HMGB1: variants seen among roughly 807,000 people sequenced by gnomAD.
The protein encoded by HMGB1 is high mobility group box 1, also known as high mobility group protein B1.
For synonymous variants in HMGB1, 81 were observed against 84.0 expected, an observed-to-expected ratio of 0.96 and a Z score of 0.19; for missense variants, 79 against 253.5, an observed-to-expected ratio of 0.31 and a Z score of 4.67.
chr13:30,587,095 C>T (rs1180828401), intron 1 of HMGB1, among the ~76,000 whole-genome samples: 1 of 152,158 alleles, frequency 6.6e-6, no homozygotes. Flanking sequence ...AACTTCTCTA[C>T]TTGATTAAAA....
rs1415352005 is a variant in HMGB1, at chr13:30,460,698, G to C, written c.*659C>G. 6.6e-6 allele frequency: 1 copy of C among 152,512 alleles called. No individual in the cohort carries two copies. Among genetic ancestry groups the C allele is most frequent in the East Asian group, 1.9e-4 (1 of 5,204 alleles). 9.4% of individuals were successfully genotyped at this position (152,512 alleles called of 1,614,324 possible). ...AACTGATCAAGATTTTGGATGTTCAGTTATGGATGAAAACTATCTCAACTT... is the reference window on the plus strand; with the variant it reads ...AACTGATCAAGATTTTGGATGTTCACTTATGGATGAAAACTATCTCAACTT... On this transcript the variant is annotated 3_prime_UTR_variant, in exon 5 of 5. Coordinates refer to ENST00000341423, the MANE Select transcript of HMGB1 (RefSeq NM_002128.7).
intron 1 of HMGB1, chr13:30,463,914 C>A: frequency 2.2e-6 from 1 of 462,896 alleles, no homozygotes; most frequent in Non-Finnish European, 3.6e-6. Flanking sequence ...TCAGGGCGAT[C>A]TCAAAAAGTC....
intron 1 of HMGB1, among the ~76,000 whole-genome samples, chr13:30,537,941 C>G (rs1868532602): frequency 6.6e-6 from 1 of 151,982 alleles, no homozygotes; most frequent in South Asian, 2.1e-4. Context: ...TATTTTTTAA[C>G]ACAACATCAA....
chr13:30,571,620 ATT>A (rs1566028737), intron 1 of HMGB1, among the ~76,000 whole-genome samples: 2 of 152,196 alleles, frequency 1.3e-5, no homozygotes, highest in Non-Finnish European at 2.9e-5. Flanking sequence ...ATTATGGACA[ATT>A]AAGCTGTAGA....
At chr13:30,572,226 C>T (rs761279603) in intron 1 of HMGB1, among the ~76,000 whole-genome samples, 2 of 152,174 alleles carry the variant, frequency 1.3e-5, no homozygotes, top group South Asian at 2.1e-4. Flanking sequence ...AAATACCTTT[C>T]TTCCCCCACA....
In HMGB1 at chr13:30,461,449, C is replaced by T. The variant is rs1313340093; in HGVS notation, c.556G>A (p.Glu186Lys). ...TCATCTTCCTCATCTTCCTCCTCTT[C>T]CTTCTTTTTCTTGCTTTTTTCAGCC... is the stretch of plus-strand genomic sequence containing the variant. Reference protein sequence around the residue: ...VKAEKSKKKKEEEEDEEDEED... With the variant: ...VKAEKSKKKKKEEEDEEDEED... The change falls in exon 5 of 5, where the codon GAA (glutamate) becomes AAA (lysine). Residue 186 changes from glutamate (E) to lysine (K), a missense_variant. Coordinates refer to ENST00000341423, the MANE Select transcript of HMGB1 (RefSeq NM_002128.7). 2 of 1,577,844 alleles carry T rather than the reference C, an allele frequency of 1.3e-6. No individual in the cohort carries two copies. The highest frequency in any genetic ancestry group is 1.7e-6 in the Non-Finnish European group (2 of 1,160,960).
intron 1 of HMGB1, among the ~76,000 whole-genome samples, chr13:30,516,506 ATT>A (rs558328631): frequency 6.6e-6 from 1 of 152,110 alleles, no homozygotes; most frequent in Non-Finnish European, 1.5e-5. Context: ...ATCACAGTGA[ATT>A]TTTTTTATAT....
intron 1 of HMGB1, among the ~76,000 whole-genome samples, chr13:30,476,247 C>T (rs1019252883): frequency 2.0e-5 from 3 of 151,610 alleles, no homozygotes; most frequent in African/African-American, 7.3e-5. Context: ...GCCTCTCAGG[C>T]TCAAGCTCAG....
At position 30,607,688 on chromosome 13, in the gene HMGB1, T is replaced by C. The variant is rs561002788; in HGVS notation, c.-15+8983A>G. 1.3e-4 allele frequency among the ~76,000 whole-genome samples: 20 copies of C among 151,982 alleles called. No individual in the cohort carries two copies. In the South Asian group the frequency reaches 1.5e-3, roughly 11 times the overall value. ...TATCTAGAAGAACATGTAACCAGAG[T>C]AGTTCTTGATCATGCTATATAAATT... On this transcript the variant is annotated intron_variant, in intron 1 of 4. Transcript: ENST00000405805.
At chr13:30,567,830 T>C (rs1429308106) in intron 1 of HMGB1, among the ~76,000 whole-genome samples, 1 of 152,206 alleles carries the variant, frequency 6.6e-6, no homozygotes, top group African/African-American at 2.4e-5. Flanking sequence ...AAGGAACTTC[T>C]AGCTCTCTTG....
chr13:30,488,052 A>AT (rs943290377), intron 1 of HMGB1, among the ~76,000 whole-genome samples: 1 of 152,290 alleles, frequency 6.6e-6, no homozygotes, highest in African/African-American at 2.4e-5. Flanking sequence ...AAAAGAAACA[A>AT]TTTTTTTCTA....
At chr13:30,565,193 T>C (rs1362890683) in intron 1 of HMGB1, among the ~76,000 whole-genome samples, 1 of 152,238 alleles carries the variant, frequency 6.6e-6, no homozygotes, top group Non-Finnish European at 1.5e-5. Flanking sequence ...TTTGAATTTA[T>C]ATTAGAGGTC....
chr13:30,548,490 C>G (rs1000029065), intron 1 of HMGB1, among the ~76,000 whole-genome samples: 1 of 152,170 alleles, frequency 6.6e-6, no homozygotes, highest in African/African-American at 2.4e-5. Context: ...TAATATTTTC[C>G]TTTCATTTGA....
intron 1 of HMGB1, among the ~76,000 whole-genome samples, chr13:30,539,370 T>C (rs1351297512): frequency 1.3e-5 from 2 of 152,240 alleles, no homozygotes; most frequent in Non-Finnish European, 2.9e-5. Flanking sequence ...AGTCATGTTG[T>C]ATTTGTAACC....
intron 1 of HMGB1, among the ~76,000 whole-genome samples, chr13:30,526,367 T>C (rs1888367988): frequency 6.6e-6 from 1 of 152,226 alleles, no homozygotes; most frequent in Admixed American, 6.5e-5. Flanking sequence ...CAAACACATA[T>C]TATATACCAC....
chr13:30,488,089 T>C (rs1047997196), intron 1 of HMGB1, among the ~76,000 whole-genome samples: 6 of 152,198 alleles, frequency 3.9e-5, no homozygotes, highest in Non-Finnish European at 8.8e-5. Flanking sequence ...AAAACAATGA[T>C]TTAAAATTGA....
intron 1 of HMGB1, among the ~76,000 whole-genome samples, chr13:30,509,368 A>G (rs1887941222): frequency 6.6e-6 from 1 of 151,898 alleles, no homozygotes; most frequent in South Asian, 2.1e-4. Context: ...CCTCCTGAGT[A>G]GCTGGGACTA....
At chr13:30,535,986 C>T (rs986871699) in intron 1 of HMGB1, among the ~76,000 whole-genome samples, 2 of 152,140 alleles carry the variant, frequency 1.3e-5, no homozygotes, top group Non-Finnish European at 2.9e-5. Flanking sequence ...TAATCTAAGT[C>T]CATTTTTGTA....
intron 1 of HMGB1, among the ~76,000 whole-genome samples, chr13:30,558,306 A>G (rs1869778675): frequency 6.6e-6 from 1 of 152,220 alleles, no homozygotes; most frequent in African/African-American, 2.4e-5. Flanking sequence ...TTCTAGATAC[A>G]CTGTTCTCTG....
Sources: allele counts gnomAD v4.1 joint callset (sites outside exome capture counted in the v4.1 genomes callset), GRCh38; gene constraint gnomAD v4.1.1; transcripts MANE v1.5; gene names NCBI Gene and HGNC (gene_info 2026-07-23, HGNC 2026-07-21).